Variants in EXOC3 observed in about 807,000 individuals in gnomAD.
The protein encoded by EXOC3 is exocyst complex component 3.
EXOC3 carries 21 observed loss-of-function variants against 73.7 expected under a neutral mutation model. The ratio of observed to expected loss-of-function variants is 0.29; its 90% confidence interval spans 0.20 to 0.41. The LOEUF (loss-of-function observed/expected upper bound fraction) is 0.41, where lower values mean the gene tolerates loss of function less well. EXOC3 is among the 10% of genes least tolerant of loss of function. EXOC3 has a pLI of 1.00. For synonymous variants in EXOC3, 410 were observed against 389.1 expected, an observed-to-expected ratio of 1.05 and a Z score of -0.63; for missense variants, 842 against 985.1, an observed-to-expected ratio of 0.85 and a Z score of 1.95.
chr5:465,582 G>A, intron 11 of EXOC3, 136 bp from the exon 12 acceptor site: 1 of 1,155,752 alleles, frequency 8.7e-7, no homozygotes, highest in South Asian at 1.5e-5. Flanking sequence ...CCCTGTCACT[G>A]AGCTTTCAGA....
rs962674255 is a variant in EXOC3, at chr5:462,014, C to T, written c.1446C>T (p.His482=). 1.2e-6 allele frequency: 2 copies of T among 1,607,692 alleles called. No homozygotes were observed. Among genetic ancestry groups the T allele is most frequent in the Non-Finnish European group, 8.5e-7 (1 of 1,176,920 alleles). Reference sequence around the variant, plus strand: ...AAGAGCACCTGAGGAATCGGCAGCACCCTCACTGCTACGTTCAGTACATGA... The same window carrying T: ...AAGAGCACCTGAGGAATCGGCAGCATCCTCACTGCTACGTTCAGTACATGA... The part of the protein sequence containing the change: ...YKEEHLRNRQ[H]PHCYVQYMIA... The change falls in exon 8 of 13, where the codon CAC becomes CAT. Residue 482 remains histidine (H), a synonymous_variant. Transcript: ENST00000512944.
In EXOC3 at chr5:453,811, AGT is replaced by A; in HGVS notation, c.807_808del (p.Glu269AspfsTer2). On this transcript the variant is annotated frameshift_variant, in exon 4 of 13. Transcript: ENST00000512944. LOFTEE classifies it high-confidence loss of function. Reference sequence around the variant, plus strand: ...GAGGGCACACAGGCAGATACCAGAGAGTCTGACAAGATGTGGCTTGTCCGCCA... The same window carrying A: ...GAGGGCACACAGGCAGATACCAGAGACTGACAAGATGTGGCTTGTCCGCCA... 1 of 1,613,982 alleles carries A rather than the reference AGT, an allele frequency of 6.2e-7. No homozygotes were observed. Among genetic ancestry groups the A allele is most frequent in the Non-Finnish European group, 8.5e-7 (1 of 1,179,884 alleles).
chr5:447,527 C>A lies in EXOC3; in HGVS notation c.145-6C>A. 6.5e-7 allele frequency: 1 copy of A among 1,548,256 alleles called. No individual in the cohort carries two copies. The highest frequency in any genetic ancestry group is 8.7e-7 in the Non-Finnish European group (1 of 1,143,232). ...CTCTGCTCACCCGTGTGGCGTCTCT[C>A]TTTAGGCCGCCATCCAGTCACAGTT... On this transcript the variant is annotated splice_polypyrimidine_tract_variant and splice_region_variant and intron_variant, in intron 2 of 12. Transcript: ENST00000512944.
chr5:445,406 G>C (rs1411668590), intron 1 of EXOC3, among the ~76,000 whole-genome samples: 1 of 146,814 alleles, frequency 6.8e-6, no homozygotes, highest in Non-Finnish European at 1.5e-5. Context: ...CTGGAGTGCA[G>C]TGGCGCGATC....
rs1436148121 is a variant in EXOC3 at position 467,089 on chromosome 5, T to G, written c.*191T>G. The G allele has an allele frequency of 1.6e-6, 1 of 610,288 alleles. No individual in the cohort carries two copies. Among genetic ancestry groups the G allele is most frequent in the Admixed American group, 2.9e-5 (1 of 33,912 alleles). The allele number at this position is 610,288 out of a possible 1,614,324, so 37.8% of individuals were successfully genotyped here. A position where few individuals can be genotyped will look rare whatever the true frequency, so the allele number is the denominator to read the frequency against. ...GGCCACGTGCGGAGGCCCCTCACTG[T>G]GCTGTCAAAGGCCTGTGGGTGCAGG... On this transcript the variant is annotated 3_prime_UTR_variant, in exon 13 of 13. Transcript: ENST00000512944.
Position 465,796 on chromosome 5 carries a change from C to A in EXOC3, c.2017C>A (p.Leu673Met). The change falls in exon 12 of 13, where the codon CTG (leucine) becomes ATG (methionine). Residue 673 changes from leucine (L) to methionine (M), a missense_variant. Leu to Met is a conservative substitution (Grantham distance 15). Transcript: ENST00000512944. ...AGTGATCAAGCTGACAGACCCTTCT[C>A]TGCTCTACCTGGAGGTCTCCACTCT... ...AEVIKLTDPS[L>M]LYLEVSTLVS... 1.2e-6 allele frequency: 2 copies of A among 1,613,494 alleles called. No individual in the cohort carries two copies. The highest frequency in any genetic ancestry group is 2.2e-5 in the South Asian group (2 of 90,914).
At position 462,081 on chromosome 5, in the gene EXOC3, C is replaced by T. The variant is rs1321703390; in HGVS notation, c.1502+11C>T. The T allele has an allele frequency of 6.2e-7, 1 of 1,610,258 alleles. No individual in the cohort carries two copies. Among genetic ancestry groups the T allele is most frequent in the Admixed American group, 1.7e-5 (1 of 59,402 alleles). On this transcript the variant is annotated intron_variant, in intron 8 of 12. Coordinates refer to ENST00000512944, the MANE Select transcript of EXOC3 (RefSeq NM_007277.5). The stretch of plus-strand genomic sequence containing the variant: ...CTGCCAGACCTTCAAGTGAGTGTGG[C>T]CGGGCGCTGTGGCGGGGGAGCGGTG...
At chr5:444,040 C>T (rs773958252) in intron 1 of EXOC3, among the ~76,000 whole-genome samples, 16 of 152,128 alleles carry the variant, frequency 1.1e-4, no homozygotes, top group Non-Finnish European at 8.8e-5. Flanking sequence ...GTAAAGGGTC[C>T]CTCCTGGCAG....
chr5:464,855 C>T (rs1738092937), intron 10 of EXOC3: 4 of 546,652 alleles, frequency 7.3e-6, no homozygotes, highest in South Asian at 6.9e-5. Flanking sequence ...AGTGCTCATG[C>T]GCGGCACTGC....
intron 10 of EXOC3, 130 bp from the exon 11 acceptor site, chr5:464,981 G>T: frequency 2.1e-6 from 2 of 948,696 alleles, no homozygotes; most frequent in Non-Finnish European, 3.0e-6. Flanking sequence ...TGCCAGAGCC[G>T]TGGCGGAGCG....
chr5:458,038 G>T lies in EXOC3; in HGVS notation c.1290+13G>T. ...CATTGTCTTCCAGGTACCACCTGCA[G>T]GGGACTGGCACAGTTCCGTTTCCTA... On this transcript the variant is annotated intron_variant, in intron 6 of 12. Transcript: ENST00000512944. 6.2e-7 allele frequency: 1 copy of T among 1,611,348 alleles called. No homozygotes were observed. Among genetic ancestry groups the T allele is most frequent in the South Asian group, 1.1e-5 (1 of 90,528 alleles).
rs1737548273 is a variant in EXOC3 at position 447,772 on chromosome 5, G to A, written c.364+20G>A. ...TCTCAGGTACCAGCCAGACGCCGAG[G>A]CACTTGCCCCCACTCACGCTGTCTT... On this transcript the variant is annotated intron_variant, in intron 3 of 12. Coordinates refer to ENST00000512944, the MANE Select transcript of EXOC3 (RefSeq NM_007277.5). 1.3e-6 allele frequency: 2 copies of A among 1,503,152 alleles called. No individual in the cohort carries two copies. Among genetic ancestry groups the A allele is most frequent in the African/African-American group, 1.4e-5 (1 of 72,204 alleles). The allele number at this position is 1,503,152 out of a possible 1,614,324, so 93.1% of individuals were successfully genotyped here. A position where few individuals can be genotyped will look rare whatever the true frequency, so the allele number is the denominator to read the frequency against.
intron 1 of EXOC3, among the ~76,000 whole-genome samples, chr5:445,527 TG>T (rs1166486534): frequency 6.6e-6 from 1 of 152,108 alleles, no homozygotes; most frequent in Non-Finnish European, 1.5e-5. Context: ...TTTTTTTGTG[TG>T]TATTTTTAGT....
At chr5:465,412 T>C (rs748917467) in intron 11 of EXOC3, 140 bp downstream of exon 11, 288 of 1,051,336 alleles carry the variant, frequency 2.7e-4, no homozygotes, top group Non-Finnish European at 3.7e-4. Flanking sequence ...AGGTCCTGCC[T>C]GACCTTGTGG....
chr5:465,184 T>TC lies in EXOC3; in HGVS notation c.1852dup (p.Arg618ProfsTer15). On this transcript the variant is annotated frameshift_variant, in exon 11 of 13. Transcript: ENST00000512944. LOFTEE classifies it high-confidence loss of function. ...GCGGTCATGCAGAAGCGCATTTCCTTCCGGAGCCCGGAGGAGCGCAAGGAG... is the reference window on the plus strand; with the variant it reads ...GCGGTCATGCAGAAGCGCATTTCCTTCCCGGAGCCCGGAGGAGCGCAAGGAG... 6.3e-7 allele frequency: 1 copy of TC among 1,596,710 alleles called. No homozygotes were observed. The highest frequency in any genetic ancestry group is 8.5e-7 in the Non-Finnish European group (1 of 1,172,150).
intron 3 of EXOC3, among the ~76,000 whole-genome samples, chr5:450,185 A>G (rs1163984503): frequency 2.0e-5 from 3 of 152,194 alleles, no homozygotes; most frequent in Non-Finnish European, 4.4e-5. Context: ...GGCAGAGGTC[A>G]CAGTGAGCCG....
chr5:446,961 C>T (rs1737527252), intron 2 of EXOC3: 1 of 154,776 alleles, frequency 6.5e-6, no homozygotes, highest in African/African-American at 2.4e-5. Context: ...TAAAGCTCTT[C>T]TACAGAGCAC....
In EXOC3 at chr5:446,165, C is replaced by T. The variant is rs376658597; in HGVS notation, c.-41C>T. On this transcript the variant is annotated 5_prime_UTR_variant, in exon 2 of 13. Transcript: ENST00000512944. ...ACTCCTGCAGTGCACAGAGAACACC[C>T]CTAGCATGAACAGTGTGAGGATTCC... The T allele has an allele frequency of 6.2e-7, 1 of 1,613,082 alleles. No individual in the cohort carries two copies. The highest frequency in any genetic ancestry group is 1.3e-5 in the African/African-American group (1 of 74,906).
At chr5:459,617 G>A (rs760016446) in intron 7 of EXOC3, 158 bp downstream of exon 7, 5 of 508,940 alleles carry the variant, frequency 9.8e-6, no homozygotes, top group Admixed American at 3.7e-5. Flanking sequence ...AAGGGAGGGA[G>A]CGGAGCTTCT....
Sources: allele counts gnomAD v4.1 joint callset (sites outside exome capture counted in the v4.1 genomes callset), GRCh38; gene constraint gnomAD v4.1.1; transcripts MANE v1.5; gene names NCBI Gene and HGNC (gene_info 2026-07-23, HGNC 2026-07-21).